SETX: variants seen among roughly 807,000 people sequenced by gnomAD.
SETX encodes helicase senataxin.
A neutral mutation model predicts 227.2 loss-of-function variants in SETX; 90 were observed. That is an observed-to-expected ratio of 0.40 (90% CI 0.33 to 0.47). SETX has a LOEUF of 0.47. Among genes scored for constraint, SETX ranks in the 20% least tolerant of loss-of-function variants. The pLI, the probability that SETX is intolerant of heterozygous loss-of-function variation, is 0.91. For synonymous variants in SETX, 1,210 were observed against 1,113.2 expected (o/e 1.09, Z -1.73); for missense variants, 3,052 against 3,181.5 (o/e 0.96, Z 0.98).
At chr9:132,344,426 G>T (rs770886231) in intron 4 of SETX, among the ~76,000 whole-genome samples, 2 of 152,138 alleles carry the variant, frequency 1.3e-5, no homozygotes, top group African/African-American at 2.4e-5. Context: ...TTGCTACACT[G>T]CCGAGGGTGA....
chr9:132,306,920 A>G (rs986750821), intron 11 of SETX, among the ~76,000 whole-genome samples: 2 of 152,202 alleles, frequency 1.3e-5, no homozygotes, highest in Admixed American at 6.5e-5. Context: ...CAGAATTGTC[A>G]TATCTTCTGT....
At chr9:132,291,969 A>C (rs1274330872) in intron 15 of SETX, among the ~76,000 whole-genome samples, 2 of 152,236 alleles carry the variant, frequency 1.3e-5, no homozygotes, top group African/African-American at 4.8e-5. Context: ...GATTTTAATT[A>C]AAATATAAAC....
At chr9:132,309,639 G>C (rs1845533825) in intron 11 of SETX, among the ~76,000 whole-genome samples, 1 of 152,000 alleles carries the variant, frequency 6.6e-6, no homozygotes, top group Admixed American at 6.6e-5. Flanking sequence ...CCAGGAGTTT[G>C]AGATCAGCCT....
chr9:132,270,257 T>TG (rs1309610322), intron 24 of SETX, among the ~76,000 whole-genome samples: 12 of 148,044 alleles, frequency 8.1e-5, no homozygotes, highest in African/African-American at 3.0e-4. Flanking sequence ...GAGACACAGG[T>TG]GGACTCTAGA....
In SETX at chr9:132,277,156, TAA is replaced by T. The variant is rs34769225; in HGVS notation, c.6843-6_6843-5del. 1,021 of 1,455,928 alleles carry T rather than the reference TAA, an allele frequency of 7.0e-4. No individual in the cohort carries two copies. The highest frequency in any genetic ancestry group is 7.8e-4 in the Admixed American group (44 of 56,354). The allele number at this position is 1,455,928 out of a possible 1,614,324, so 90.2% of individuals were successfully genotyped here. On this transcript the variant is annotated splice_region_variant and splice_polypyrimidine_tract_variant and intron_variant, in intron 21 of 25. Transcript: ENST00000224140. ...ACATCGAATGGCTTCTGTCTGTCTG[TAA>T]AAAAAAAAAAGCAGTCAACATTCAG... is the stretch of plus-strand genomic sequence containing the variant.
chr9:132,270,748 A>C (rs1442760016), intron 24 of SETX, among the ~76,000 whole-genome samples: 1 of 152,246 alleles, frequency 6.6e-6, no homozygotes, highest in Non-Finnish European at 1.5e-5. Context: ...TAGACTGTTA[A>C]GATATTGTAG....
intron 20 of SETX, among the ~76,000 whole-genome samples, chr9:132,278,686 T>G (rs957049765): frequency 1.3e-5 from 2 of 152,112 alleles, no homozygotes; most frequent in African/African-American, 4.8e-5. Flanking sequence ...ATGAAAGAGA[T>G]ATGATCTTGT....
chr9:132,274,560 GCCTT>G (rs902715108), intron 23 of SETX, among the ~76,000 whole-genome samples: 24 of 151,402 alleles, frequency 1.6e-4, no homozygotes, highest in African/African-American at 4.9e-4. Context: ...ACCTACCTCA[GCCTT>G]CCGAGTAGCA....
chr9:132,328,942 T>C lies in SETX; in HGVS notation c.2656A>G (p.Ile886Val), dbSNP rs774909186. 3 of 1,611,902 alleles carry C rather than the reference T, an allele frequency of 1.9e-6. No individual in the cohort carries two copies. Among genetic ancestry groups the C allele is most frequent in the Admixed American group, 1.7e-5 (1 of 59,662 alleles). Reference protein sequence around the residue: ...IFSFHENNCKIQEFHVDGKEL... With the variant: ...IFSFHENNCKVQEFHVDGKEL... ...TTACCATCAACATGAAATTCCTGTA[T>C]TTTACAATTGTTTTCATGGAAAGAG... The change falls in exon 10 of 26, where the codon ATA becomes GTA. Residue 886 changes from isoleucine to valine, a missense_variant. This residue lies in a region of SETX where 1,483 missense variants were observed against 1,312.0 expected (regional missense o/e 1.13). Transcript: ENST00000224140.
At chr9:132,275,154 T>C in intron 23 of SETX, 102 bp downstream of exon 23, 1 of 1,304,862 alleles carries the variant, frequency 7.7e-7, no homozygotes, top group East Asian at 2.3e-5. Flanking sequence ...ATCACCAATT[T>C]GCACAGACCA....
In SETX at chr9:132,342,913, C is replaced by T. The variant is rs899670530; in HGVS notation, c.389-114G>A. 3.9e-5 allele frequency: 30 copies of T among 766,804 alleles called. 1 individual carries two copies. In the East Asian group the frequency reaches 7.6e-4, roughly 19 times the overall value. The allele number at this position is 766,804 out of a possible 1,614,324, so 47.5% of individuals were successfully genotyped here. ...AATAAAAATTTGCTTTTTATTTTTCCAAATTGAGGCATAAAAATGCTTATA... is the reference window on the plus strand; with the variant it reads ...AATAAAAATTTGCTTTTTATTTTTCTAAATTGAGGCATAAAAATGCTTATA... On this transcript the variant is annotated intron_variant, in intron 4 of 25. Coordinates refer to ENST00000224140, the MANE Select transcript of SETX (RefSeq NM_015046.7).
intron 10 of SETX, among the ~76,000 whole-genome samples, chr9:132,322,588 T>C (rs1846429735): frequency 6.6e-6 from 1 of 152,268 alleles, no homozygotes; most frequent in Admixed American, 6.5e-5. Flanking sequence ...CCATTCATTG[T>C]ATGAACAGAC....
intron 11 of SETX, among the ~76,000 whole-genome samples, chr9:132,307,395 T>C (rs149999329): frequency 1.3e-5 from 2 of 152,306 alleles, no homozygotes; most frequent in Non-Finnish European, 2.9e-5. Flanking sequence ...TCTTTATGTA[T>C]CCTTATATTT....
chr9:132,342,577 A>C (rs1197687943), intron 5 of SETX, 113 bp downstream of exon 5: 4 of 885,096 alleles, frequency 4.5e-6, no homozygotes, highest in Admixed American at 1.7e-5. Context: ...TTTTAAAGCA[A>C]GAAAAATTTT....
chr9:132,356,117 TC>T (rs770838782), upstream of SETX, among the ~76,000 whole-genome samples: 16 of 150,430 alleles, frequency 1.1e-4, no homozygotes, highest in Non-Finnish European at 1.8e-4. Context: ...GCCACTACAC[TC>T]CAGGCTGGGG....
chr9:132,348,001 T>A (rs1848384897), intron 3 of SETX, among the ~76,000 whole-genome samples: 1 of 151,892 alleles, frequency 6.6e-6, no homozygotes. Context: ...ATGCTTGCCC[T>A]TAAAGGTTTA....
intron 5 of SETX, among the ~76,000 whole-genome samples, chr9:132,339,682 G>A (rs919029788): frequency 1.3e-5 from 2 of 151,938 alleles, no homozygotes; most frequent in South Asian, 2.1e-4. Context: ...TTGCAATCTC[G>A]GCTCACTGCA....
At chr9:132,265,979 T>C (rs1362956608) in intron 25 of SETX, 1 of 152,032 alleles carries the variant, frequency 6.6e-6, no homozygotes, top group Non-Finnish European at 1.5e-5. Flanking sequence ...TACAGGAGCT[T>C]AAGATATTAA....
intron 10 of SETX, among the ~76,000 whole-genome samples, chr9:132,314,906 G>GTTTTTTTTTT (rs559979271): frequency 4.5e-5 from 4 of 88,478 alleles, no homozygotes; most frequent in Admixed American, 1.4e-4. Flanking sequence ...ATTTTATTGT[G>GTTTTTTTTTT]TTTTTTTTTT....
Sources: allele counts gnomAD v4.1 joint callset (sites outside exome capture counted in the v4.1 genomes callset), GRCh38; gene constraint gnomAD v4.1.1; regional missense constraint gnomAD v4.1.1; transcripts MANE v1.5; gene names NCBI Gene and HGNC (gene_info 2026-07-23, HGNC 2026-07-21).